BRCA2: variants seen among roughly 807,000 people sequenced by gnomAD.
BRCA2 encodes the protein BRCA2 DNA repair associated, also known as breast cancer type 2 susceptibility protein.
Under a neutral mutation model 276.7 loss-of-function variants are expected in BRCA2, and 203 were observed. The ratio of observed to expected loss-of-function variants is 0.73; its 90% confidence interval spans 0.65 to 0.82. BRCA2 has a LOEUF of 0.82. Among genes scored for constraint, BRCA2 ranks in the 40% least tolerant of loss-of-function variants. The probability of loss-of-function intolerance (pLI) is 0.00; values close to 1 mark genes in which losing one functional copy is unlikely to be tolerated. For synonymous variants in BRCA2, 1,289 were observed against 1,338.4 expected, an observed-to-expected ratio of 0.96 and a Z score of 0.81; for missense variants, 3,920 against 3,915.0, an observed-to-expected ratio of 1.00 and a Z score of -0.03.
intron 20 of BRCA2, among the ~76,000 whole-genome samples, chr13:32,372,296 C>G (rs1317279093): frequency 2.0e-5 from 3 of 152,184 alleles, no homozygotes; most frequent in Non-Finnish European, 4.4e-5. Flanking sequence ...AAACTACTTT[C>G]TTTGCTTATC....
In BRCA2 at chr13:32,319,207, A is replaced by G. The variant is rs28897700; in HGVS notation, c.198A>G (p.Gln66=). 934 of 1,614,046 alleles carry G rather than the reference A, an allele frequency of 5.8e-4. 11 individuals are homozygous for G. The South Asian group carries it at 7.7e-3, about 13-fold the overall frequency. The stretch of plus-strand genomic sequence containing the variant: ...AACCAAACCTATTTAAAACTCCACA[A>G]AGGAAACCATCTTATAATCAGCTGG... ...NYEPNLFKTP[Q]RKPSYNQLAS... Residue 66 remains glutamine (Q), a synonymous_variant, in exon 3 of 27, where the codon CAA becomes CAG. Coordinates refer to ENST00000380152, the MANE Select transcript of BRCA2 (RefSeq NM_000059.4).
intron 16 of BRCA2, among the ~76,000 whole-genome samples, chr13:32,361,584 T>A (rs1337900844): frequency 6.6e-6 from 1 of 152,034 alleles, no homozygotes; most frequent in Non-Finnish European, 1.5e-5. Context: ...AGGGAAAAAA[T>A]TGATGATGCA....
chr13:32,365,449 C>G (rs71436476), intron 18 of BRCA2, among the ~76,000 whole-genome samples: 1 of 152,114 alleles, frequency 6.6e-6, no homozygotes, highest in African/African-American at 2.4e-5. Context: ...GGCGTGACCT[C>G]TGCTCACTGC....
rs2072615739 is a variant in BRCA2, at chr13:32,346,903, CAT to C, written c.7007+8_7007+9del. On this transcript the variant is annotated splice_region_variant and intron_variant, in intron 13 of 26. Transcript: ENST00000380152. ...TTACCTGTGTACCCTTTCGGTAAGA[CAT>C]GTTTAAATTTTTCTAAATTCTAATA... The C allele has an allele frequency of 6.2e-7, 1 of 1,600,626 alleles. No individual in the cohort carries two copies. The highest frequency in any genetic ancestry group is 8.5e-7 in the Non-Finnish European group (1 of 1,171,480).
rs765644109 is a variant in BRCA2, at chr13:32,316,418, G to T, written c.-39-4G>T. On this transcript the variant is annotated splice_region_variant and splice_polypyrimidine_tract_variant and intron_variant, in intron 1 of 26. Coordinates refer to ENST00000380152, the MANE Select transcript of BRCA2 (RefSeq NM_000059.4). Reference sequence around the variant, plus strand: ...TAAGTGCATTTTGGTCTTCTGTTTTGCAGACTTATTTACCAAGCATTGGAG... The same window carrying T: ...TAAGTGCATTTTGGTCTTCTGTTTTTCAGACTTATTTACCAAGCATTGGAG... The T allele has an allele frequency of 2.8e-5, 44 of 1,561,150 alleles. 5 individuals carry two copies. The South Asian group carries it at 4.6e-4, about 16-fold the overall frequency.
chr13:32,328,457 G>T (rs1245687957), intron 7 of BRCA2, among the ~76,000 whole-genome samples: 1 of 151,980 alleles, frequency 6.6e-6, no homozygotes, highest in Non-Finnish European at 1.5e-5. Flanking sequence ...GGCCAGGGTG[G>T]TCTTGAACTC....
intron 11 of BRCA2, among the ~76,000 whole-genome samples, chr13:32,341,782 G>A (rs2072572906): frequency 6.6e-6 from 1 of 151,036 alleles, no homozygotes; most frequent in South Asian, 2.1e-4. Flanking sequence ...GCAGGAGAAT[G>A]GCGTGAACCT....
In BRCA2 at chr13:32,337,184, TAAA is replaced by T. The variant is rs80359356; in HGVS notation, c.2833_2835del (p.Lys945del). 6.2e-7 allele frequency: 1 copy of T among 1,613,594 alleles called. No individual in the cohort carries two copies. Reference sequence around the variant, plus strand: ...ATAAACAAGCAACCCAAGTGTCAATTAAAAAAGATTTGGTTTATGTTCTTGCAG... The same window carrying T: ...ATAAACAAGCAACCCAAGTGTCAATTAAAGATTTGGTTTATGTTCTTGCAG... On this transcript the variant is annotated inframe_deletion, in exon 11 of 27. Coordinates refer to ENST00000380152, the MANE Select transcript of BRCA2 (RefSeq NM_000059.4).
rs886040398 is a variant in BRCA2, at chr13:32,336,298, C to T, written c.1943C>T (p.Ser648Leu). The change falls in exon 11 of 27, where the codon TCA becomes TTA. Residue 648 changes from serine (S) to leucine (L), a missense_variant. By Grantham distance (145) the Ser-to-Leu change is moderately radical. Around this residue, in one of 2 missense-constraint regions of BRCA2, gnomAD observed 3,263 missense variants for 3,156.9 expected, o/e 1.03. Transcript: ENST00000380152. ...LLHSSVKRSC[S>L]QNDSEEPTLS... Reference sequence around the variant, plus strand: ...CATTCTTCTGTGAAAAGAAGCTGTTCACAGAATGATTCTGAAGAACCAACT... The same window carrying T: ...CATTCTTCTGTGAAAAGAAGCTGTTTACAGAATGATTCTGAAGAACCAACT... The T allele has an allele frequency of 6.2e-7, 1 of 1,603,094 alleles. No individual in the cohort carries two copies. The highest frequency in any genetic ancestry group is 1.7e-5 in the Admixed American group (1 of 57,822).
intron 20 of BRCA2, among the ~76,000 whole-genome samples, chr13:32,375,765 G>C (rs1001031834): frequency 6.6e-6 from 1 of 151,996 alleles, no homozygotes; most frequent in Admixed American, 6.6e-5. Flanking sequence ...TCACCATGTT[G>C]GTCAGGCTGG....
rs751250810 is a variant in BRCA2, at chr13:32,398,595, A to C, written c.10082A>C (p.Gln3361Pro). The C allele has an allele frequency of 1.7e-5, 27 of 1,614,080 alleles. 1 individual carries two copies. The South Asian group carries it at 2.9e-4, about 17-fold the overall frequency. ...ALLSGSTGEK[Q>P]FISVSESTRT... is the part of the protein sequence containing the mutation. ...TTGTCTGGTTCAACAGGAGAAAAAC[A>C]ATTTATATCTGTCAGTGAATCCACT... The change falls in exon 27 of 27, where the codon CAA becomes CCA. Residue 3361 changes from glutamine to proline, a missense_variant. By Grantham distance (76) the Gln-to-Pro change is moderately conservative (BLOSUM62 -1). This residue lies in a region of BRCA2 where 657 missense variants were observed against 758.2 expected (regional missense o/e 0.87). Transcript: ENST00000380152.
chr13:32,386,891 T>G (rs374651179), intron 24 of BRCA2, among the ~76,000 whole-genome samples: 186 of 152,338 alleles, frequency 1.2e-3, no homozygotes, highest in African/African-American at 4.2e-3. Flanking sequence ...GAAATTTGTT[T>G]TCTCACAGTT....
chr13:32,349,826 A>AAG (rs2072635818), intron 13 of BRCA2, among the ~76,000 whole-genome samples: 1 of 151,646 alleles, frequency 6.6e-6, no homozygotes, highest in Non-Finnish European at 1.5e-5. Context: ...AAAAAAAAAA[A>AAG]AAAAAAGCAG....
intron 12 of BRCA2, among the ~76,000 whole-genome samples, chr13:32,346,050 A>T (rs1347996414): frequency 6.6e-6 from 1 of 151,902 alleles, no homozygotes. Context: ...CAATTTTAGG[A>T]TTTGTCTTTT....
intron 14 of BRCA2, among the ~76,000 whole-genome samples, chr13:32,356,119 C>T (rs904437779): frequency 2.2e-4 from 33 of 151,310 alleles, no homozygotes; most frequent in Middle Eastern, 3.4e-3. Context: ...CTCGGCTCAC[C>T]GCAACCTCCT....
chr13:32,396,806 C>T, intron 25 of BRCA2, 92 bp from the exon 26 acceptor site: 1 of 1,529,396 alleles, frequency 6.5e-7, no homozygotes, highest in South Asian at 1.1e-5. Context: ...TTGGTCCAAA[C>T]TTTTCATTTC....
chr13:32,391,396 A>G (rs1213721913), intron 24 of BRCA2, among the ~76,000 whole-genome samples: 1 of 152,242 alleles, frequency 6.6e-6, no homozygotes, highest in African/African-American at 2.4e-5. Flanking sequence ...GCCTGAGGCA[A>G]GAGCCAGTCC....
chr13:32,398,666 C>T lies in BRCA2; in HGVS notation c.10153C>T (p.Arg3385Cys), dbSNP rs397507261. The T allele has an allele frequency of 1.5e-5, 24 of 1,614,006 alleles. 1 individual carries two copies. The highest frequency in any genetic ancestry group is 1.1e-4 in the South Asian group (10 of 91,084). Residue 3385 changes from arginine to cysteine, a missense_variant, in exon 27 of 27, where the codon CGT becomes TGT. Transcript: ENST00000380152. ...AGAAGATTATCTCAGACTGAAACGA[C>T]GTTGTACTACATCTCTGATCAAAGA... Reference protein sequence around the residue: ...SSEDYLRLKRRCTTSLIKEQE... With the variant: ...SSEDYLRLKRCCTTSLIKEQE...
Position 32,331,115 on chromosome 13 carries a change from C to T in BRCA2, c.793+85C>T, listed in dbSNP as rs1321841439. 8 of 950,614 alleles carry T rather than the reference C, an allele frequency of 8.4e-6. No homozygotes were observed. In the African/African-American group the frequency reaches 1.3e-4, roughly 16 times the overall value. 58.9% of individuals were successfully genotyped at this position (950,614 alleles called of 1,614,324 possible). Reference sequence around the variant, plus strand: ...TTTTTGAGGTGGAGTCTTGCTCTGTCACCCGTGATCTCGGTTTACCGCAAC... The same window carrying T: ...TTTTTGAGGTGGAGTCTTGCTCTGTTACCCGTGATCTCGGTTTACCGCAAC... On this transcript the variant is annotated intron_variant, in intron 9 of 26. Coordinates refer to ENST00000380152, the MANE Select transcript of BRCA2 (RefSeq NM_000059.4).
Sources: allele counts gnomAD v4.1 joint callset (sites outside exome capture counted in the v4.1 genomes callset), GRCh38; gene constraint gnomAD v4.1.1; regional missense constraint gnomAD v4.1.1; transcripts MANE v1.5; gene names NCBI Gene and HGNC (gene_info 2026-07-23, HGNC 2026-07-21).